The following PPP2R2D variants were observed in gnomAD, a reference collection of about 807,000 sequenced individuals.
The protein encoded by PPP2R2D is protein phosphatase 2 regulatory subunit Bdelta, also known as serine/threonine-protein phosphatase 2A 55 kDa regulatory subunit B delta isoform.
In PPP2R2D, 9 loss-of-function variants were observed where a neutral mutation model predicts 31.1. That is an observed-to-expected ratio of 0.29 (90% CI 0.17 to 0.51). The LOEUF (loss-of-function observed/expected upper bound fraction) is 0.51. PPP2R2D is among the 20% of genes least tolerant of loss of function. The pLI is 0.98. For missense variants in PPP2R2D, 391 were observed against 465.6 expected, an observed-to-expected ratio of 0.84 and a Z score of 1.48; for synonymous variants, 179 against 172.6, an observed-to-expected ratio of 1.04 and a Z score of -0.29.
chr10:131,940,444 G>A (rs1554897062), intron 4 of PPP2R2D, 138 bp from the exon 5 acceptor site: 16 of 604,242 alleles, frequency 2.6e-5, no homozygotes, highest in South Asian at 2.1e-5. Flanking sequence ...ACCTCCAATT[G>A]GAAATATTCA....
chr10:131,956,536 G>A lies in PPP2R2D; in HGVS notation c.*573G>A. On this transcript the variant is annotated 3_prime_UTR_variant, in exon 9 of 9. Transcript: ENST00000455566. ...CAATAAAAACAACACACTATAAAGTGTTTTTAAATCCAAACAGAAGTATTG... is the reference window on the plus strand; with the variant it reads ...CAATAAAAACAACACACTATAAAGTATTTTTAAATCCAAACAGAAGTATTG... 1.0e-6 allele frequency: 1 copy of A among 985,450 alleles called. No individual in the cohort carries two copies. Among genetic ancestry groups the A allele is most frequent in the Non-Finnish European group, 1.2e-6 (1 of 829,940 alleles). The allele number at this position is 985,450 out of a possible 1,614,324, so 61.0% of individuals were successfully genotyped here.
chr10:131,969,508 A>C, the PPP2R2D span: 1 of 152,222 alleles, frequency 6.6e-6, no homozygotes, highest in Non-Finnish European at 1.5e-5. Context: ...GGACGTGAGA[A>C]TGTGCCCAAG....
intron 2 of PPP2R2D, among the ~76,000 whole-genome samples, chr10:131,909,283 T>C (rs2035646042): frequency 6.6e-6 from 1 of 152,214 alleles, no homozygotes; most frequent in Non-Finnish European, 1.5e-5. Context: ...TTGAATCGTG[T>C]GCTCAGGACT....
At chr10:131,960,269 A>G (rs1037750107), downstream of PPP2R2D, among the ~76,000 whole-genome samples, 21 of 152,198 alleles carry the variant, frequency 1.4e-4, no homozygotes, top group Admixed American at 4.6e-4. Flanking sequence ...TTAAAGTAGA[A>G]CAGTGTCATC....
chr10:131,971,187 G>A, the PPP2R2D span: 1 of 566,440 alleles, frequency 1.8e-6, no homozygotes. Flanking sequence ...CGCCTCCAGG[G>A]ACAGATCACC....
At chr10:131,902,025 C>T (rs1002201984) in intron 2 of PPP2R2D, among the ~76,000 whole-genome samples, 7 of 152,134 alleles carry the variant, frequency 4.6e-5, no homozygotes, top group Non-Finnish European at 8.8e-5. Flanking sequence ...CAAATTGGCC[C>T]AGGCACAAAG....
In PPP2R2D at chr10:131,934,522, C is replaced by T. The variant is rs781954298; in HGVS notation, c.165C>T (p.Gly55=). 2 of 780,058 alleles carry T rather than the reference C, an allele frequency of 2.6e-6. No homozygotes were observed. The highest frequency in any genetic ancestry group is 2.4e-5 in the East Asian group (1 of 41,240). 48.3% of individuals were successfully genotyped at this position (780,058 alleles called of 1,614,324 possible). Residue 55 remains glycine, a synonymous_variant, in exon 3 of 9, where the codon GGC becomes GGT. Coordinates refer to ENST00000455566, the MANE Select transcript of PPP2R2D (RefSeq NM_018461.5). Reference sequence around the variant, plus strand: ...ATCTTCTTGCAACAGGAGACAAGGGCGGCAGAGTTGTTATTTTTCAGCGTG... The same window carrying T: ...ATCTTCTTGCAACAGGAGACAAGGGTGGCAGAGTTGTTATTTTTCAGCGTG... The part of the protein sequence containing the change: ...SGDLLATGDK[G]GRVVIFQREQ...
rs1371994173 is a variant in PPP2R2D at position 131,955,979 on chromosome 10, G to A, written c.*16G>A. On this transcript the variant is annotated 3_prime_UTR_variant, in exon 9 of 9. Transcript: ENST00000455566. The stretch of plus-strand genomic sequence containing the variant: ...AATCAACTAGAGACGCGAACGTGAG[G>A]ACCAAGTCTTGTCTTGCATAGTTAA... The A allele has an allele frequency of 3.4e-6, 5 of 1,470,200 alleles. No individual in the cohort carries two copies. The highest frequency in any genetic ancestry group is 2.5e-5 in the East Asian group (1 of 39,394). The allele number at this position is 1,470,200 out of a possible 1,614,324, so 91.1% of individuals were successfully genotyped here.
chr10:131,901,477 C>T (rs1164842259), intron 2 of PPP2R2D, 147 bp downstream of exon 2: 8 of 320,076 alleles, frequency 2.5e-5, no homozygotes, highest in Non-Finnish European at 4.6e-5. Flanking sequence ...GAGCTGGGGG[C>T]CGTGATCGGG....
intron 5 of PPP2R2D, among the ~76,000 whole-genome samples, chr10:131,942,279 G>A (rs2036456261): frequency 6.6e-6 from 1 of 152,184 alleles, no homozygotes; most frequent in African/African-American, 2.4e-5. Context: ...CCCAGTCTTG[G>A]TTTTATTCAA....
At position 131,956,482 on chromosome 10, in the gene PPP2R2D, C is replaced by A. The variant is rs2036802404; in HGVS notation, c.*519C>A. On this transcript the variant is annotated 3_prime_UTR_variant, in exon 9 of 9. Transcript: ENST00000455566. ...AGGCGGCCCCACTCACCCACAGCAT[C>A]CGCCGCCACCCCTTCGGGTGTGAGC... is the stretch of plus-strand genomic sequence containing the variant. 1.0e-6 allele frequency: 1 copy of A among 984,206 alleles called. No homozygotes were observed. The highest frequency in any genetic ancestry group is 1.7e-5 in the African/African-American group (1 of 57,204). 61.0% of individuals were successfully genotyped at this position (984,206 alleles called of 1,614,324 possible). A position where few individuals can be genotyped will look rare whatever the true frequency, so the allele number is the denominator to read the frequency against.
intron 2 of PPP2R2D, among the ~76,000 whole-genome samples, chr10:131,927,480 G>A (rs1554895089): frequency 2.0e-5 from 3 of 152,164 alleles, no homozygotes; most frequent in South Asian, 2.1e-4. Context: ...GAGTGAAGAC[G>A]GATAGCTGCT....
downstream of PPP2R2D, among the ~76,000 whole-genome samples, chr10:131,961,979 T>C (rs1465079977): frequency 6.6e-6 from 1 of 152,158 alleles, no homozygotes; most frequent in African/African-American, 2.4e-5. Flanking sequence ...CGCGGGGGTT[T>C]TGGAAGTGAG....
intron 2 of PPP2R2D, among the ~76,000 whole-genome samples, chr10:131,919,144 GAC>G (rs2035905363): frequency 1.5e-5 from 2 of 129,940 alleles, no homozygotes; most frequent in South Asian, 2.7e-4. Context: ...CGGGTGGAAT[GAC>G]ACAGTGTAGG....
chr10:131,967,755 G>A, the PPP2R2D span: 1 of 152,438 alleles, frequency 6.6e-6, no homozygotes, highest in Non-Finnish European at 1.5e-5. Context: ...GATTTGCTTA[G>A]AATAAAGCTG....
Position 131,945,218 on chromosome 10 carries a change from C to T in PPP2R2D, c.656-77C>T. On this transcript the variant is annotated intron_variant, in intron 6 of 8. Transcript: ENST00000455566. This position sits in a 1 kb window ranked among gnomAD's most constrained non-coding sequence, Gnocchi z 4.8. ...CCTCACTGCGTGGATTATTTGGCGT[C>T]CTATTTCGCGTGACTGAATGTAGAC... The T allele has an allele frequency of 2.0e-6, 3 of 1,498,012 alleles. No homozygotes were observed. Among genetic ancestry groups the T allele is most frequent in the Non-Finnish European group, 2.7e-6 (3 of 1,102,948 alleles). The allele number at this position is 1,498,012 out of a possible 1,614,324, so 92.8% of individuals were successfully genotyped here. A position where few individuals can be genotyped will look rare whatever the true frequency, so the allele number is the denominator to read the frequency against.
chr10:131,908,938 A>G (rs1031532945), intron 2 of PPP2R2D, among the ~76,000 whole-genome samples: 1 of 152,230 alleles, frequency 6.6e-6, no homozygotes, highest in Non-Finnish European at 1.5e-5. Context: ...TGTTGGAAAT[A>G]GAAATGCAGT....
chr10:131,934,686 C>G (rs1229777197), intron 3 of PPP2R2D, 131 bp downstream of exon 3: 2 of 667,492 alleles, frequency 3.0e-6, no homozygotes, highest in Non-Finnish European at 5.5e-6. Context: ...ATTAGCCATA[C>G]AGAATCTCCT....
chr10:131,968,373 T>C, the PPP2R2D span: 1 of 642,560 alleles, frequency 1.6e-6, no homozygotes, highest in Non-Finnish European at 2.7e-6. Context: ...TAGTGTCTAT[T>C]CTTTTATTTT....
Sources: allele counts gnomAD v4.1 joint callset (sites outside exome capture counted in the v4.1 genomes callset), GRCh38; gene constraint gnomAD v4.1.1; non-coding constraint Gnocchi (gnomAD v3.1); transcripts MANE v1.5; gene names NCBI Gene and HGNC (gene_info 2026-07-23, HGNC 2026-07-21).